AFF3: variants seen among roughly 807,000 people sequenced by gnomAD.
The protein encoded by AFF3 is ALF transcription elongation factor 3.
Under a neutral mutation model 129.7 loss-of-function variants are expected in AFF3, and 32 were observed. The observed-to-expected ratio is 0.25, with a 90% CI of 0.19 to 0.33. The LOEUF is 0.33. Ranked by LOEUF, AFF3 falls within the 10% of genes least tolerant of loss-of-function variation. The pLI, the probability that AFF3 is intolerant of heterozygous loss-of-function variation, is 1.00. For missense variants in AFF3, 1,373 were observed against 1,592.0 expected, an observed-to-expected ratio of 0.86 and a Z score of 2.34; for synonymous variants, 644 against 635.4, an observed-to-expected ratio of 1.01 and a Z score of -0.20.
At chr2:99,771,106 C>T (rs986277001) in intron 8 of AFF3, among the ~76,000 whole-genome samples, 1 of 152,138 alleles carries the variant, frequency 6.6e-6, no homozygotes, top group African/African-American at 2.4e-5. Context: ...ACGTCCTTTG[C>T]AGGAGCATGG....
At chr2:99,586,992 G>A (rs1678184880) in intron 16 of AFF3, among the ~76,000 whole-genome samples, 162 bp downstream of exon 16, 1 of 152,152 alleles carries the variant, frequency 6.6e-6, no homozygotes, top group Non-Finnish European at 1.5e-5. Context: ...TGTGGCACAT[G>A]TGTAGCCATA....
intron 12 of AFF3, among the ~76,000 whole-genome samples, chr2:99,650,862 A>AG (rs774716511): frequency 6.6e-5 from 10 of 151,606 alleles, no homozygotes; most frequent in African/African-American, 2.4e-4. Context: ...AAAAACTAAA[A>AG]GAAAAAAATC....
chr2:99,742,936 C>A (rs577997012), intron 10 of AFF3, among the ~76,000 whole-genome samples: 1 of 152,324 alleles, frequency 6.6e-6, no homozygotes, highest in East Asian at 1.9e-4. Flanking sequence ...TTACCCTGAA[C>A]ATTTAAATTC....
chr2:99,707,354 TAAAA>T (rs1677497362), intron 11 of AFF3: 1 of 985,152 alleles, frequency 1.0e-6, no homozygotes, highest in Non-Finnish European at 1.2e-6. Context: ...ATTTTTAAAT[TAAAA>T]AAGCCATCTT....
In AFF3 at chr2:100,006,875, T is replaced by C. The variant is rs1178545941; in HGVS notation, c.630A>G (p.Gly210=). 1.2e-6 allele frequency: 2 copies of C among 1,614,200 alleles called. No homozygotes were observed. The highest frequency in any genetic ancestry group is 1.1e-5 in the South Asian group (1 of 91,082). ...PAMAAKHSSS[G]HCVQNFPPSL... The stretch of plus-strand genomic sequence containing the variant: ...ATGGAGGAAAGTTCTGAACACAGTG[T>C]CCGCTGCTGCTGTGCTTGGCCGCCA... The change falls in exon 7 of 25, where the codon GGA becomes GGG. Residue 210 remains glycine (G), a synonymous_variant. Transcript: ENST00000672756.
chr2:99,763,260 A>G lies in AFF3; in HGVS notation c.922-10959T>C, dbSNP rs546885078. Among the ~76,000 whole-genome samples, 3 of 152,366 alleles carry G rather than the reference A, an allele frequency of 2.0e-5. No homozygotes were observed. The South Asian group carries it at 6.2e-4, about 32-fold the overall frequency. ...GGAAGGCTCAGAACTAGGAAGTCACACTTAAAACCTTTAAGTTGGCCTCTA... is the reference window on the plus strand; with the variant it reads ...GGAAGGCTCAGAACTAGGAAGTCACGCTTAAAACCTTTAAGTTGGCCTCTA... On this transcript the variant is annotated intron_variant, in intron 8 of 24. Coordinates refer to ENST00000672756, the MANE Select transcript of AFF3 (RefSeq NM_001386135.1).
intron 13 of AFF3, among the ~76,000 whole-genome samples, chr2:99,640,271 T>C (rs1684070060): frequency 6.6e-6 from 1 of 152,190 alleles, no homozygotes; most frequent in Non-Finnish European, 1.5e-5. Flanking sequence ...TACTCTGTTA[T>C]CTTCTTCTCT....
rs180848597 is a variant in AFF3 at position 99,872,092 on chromosome 2, G to A, written c.874-34568C>T. ...GTGGTGGTGGGCGCCTGTAGTCCCA[G>A]CTACTCGGGAGGCTGAGGCAGGAGA... is the stretch of plus-strand genomic sequence containing the variant. On this transcript the variant is annotated intron_variant, in intron 7 of 24. Transcript: ENST00000672756. Among the ~76,000 whole-genome samples, 32 of 150,820 alleles carry A rather than the reference G, an allele frequency of 2.1e-4. No individual in the cohort carries two copies. The South Asian group carries it at 2.7e-3, about 13-fold the overall frequency.
chr2:99,960,894 C>T (rs1428793982), intron 7 of AFF3, among the ~76,000 whole-genome samples: 3 of 152,178 alleles, frequency 2.0e-5, no homozygotes, highest in Non-Finnish European at 4.4e-5. Flanking sequence ...CCATGATGTG[C>T]GGCTCCTTCT....
chr2:100,134,285 T>C (rs1692545497), intron 1 of AFF3, among the ~76,000 whole-genome samples: 1 of 152,242 alleles, frequency 6.6e-6, no homozygotes, highest in Non-Finnish European at 1.5e-5. Flanking sequence ...ATACTAGCAT[T>C]AAAATTTCAT....
Position 99,916,998 on chromosome 2 carries a change from T to C in AFF3, c.874-79474A>G, listed in dbSNP as rs984916530. Among the ~76,000 whole-genome samples, 5 of 152,226 alleles carry C rather than the reference T, an allele frequency of 3.3e-5. No individual in the cohort carries two copies. In the East Asian group the frequency reaches 9.6e-4, roughly 29 times the overall value. On this transcript the variant is annotated intron_variant, in intron 7 of 24. Transcript: ENST00000672756. ...TGTGCATCTCTGCTCTTGTTCATACTGTTCCACCCCAACTTCCAACAACAG... is the reference window on the plus strand; with the variant it reads ...TGTGCATCTCTGCTCTTGTTCATACCGTTCCACCCCAACTTCCAACAACAG...
At chr2:99,807,085 C>A (rs1016853521) in intron 8 of AFF3, among the ~76,000 whole-genome samples, 1 of 152,174 alleles carries the variant, frequency 6.6e-6, no homozygotes, top group Non-Finnish European at 1.5e-5. Context: ...ACTGGCGCCA[C>A]CAGGGCTATC....
intron 12 of AFF3, among the ~76,000 whole-genome samples, chr2:99,663,041 C>CA (rs1686382864): frequency 1.3e-5 from 2 of 152,166 alleles, no homozygotes; most frequent in African/African-American, 4.8e-5. Context: ...AGTTGGGCTG[C>CA]AAAAACCTCC....
rs771613660 is a variant in AFF3, at chr2:99,593,661, T to G, written c.2000A>C (p.Glu667Ala). 6.2e-7 allele frequency: 1 copy of G among 1,605,610 alleles called. No homozygotes were observed. Among genetic ancestry groups the G allele is most frequent in the Non-Finnish European group, 8.5e-7 (1 of 1,174,310 alleles). Residue 667 changes from glutamate to alanine, a missense_variant, in exon 15 of 25, where the codon GAG (glutamate) becomes GCG (alanine). Transcript: ENST00000672756. ...GGAGGATGAAGATGACGACTCTGTC[T>G]CAATGAACTCCTTGGATTTGGGGAC... is the stretch of plus-strand genomic sequence containing the variant. ...RIVPKSKEFI[E>A]TESSSSSSSS...
In AFF3 at chr2:100,081,873, C is replaced by G. The variant is rs571529395; in HGVS notation, c.53+22529G>C. Among the ~76,000 whole-genome samples, 4 of 152,252 alleles carry G rather than the reference C, an allele frequency of 2.6e-5. No individual in the cohort carries two copies. In the East Asian group the frequency reaches 7.8e-4, roughly 30 times the overall value. ...ATCAGATTCCAGTGAGTGGCATGGT[C>G]AGAAGTAAACTCACATTTGGCCTCT... On this transcript the variant is annotated intron_variant, in intron 4 of 24. Coordinates refer to ENST00000672756, the MANE Select transcript of AFF3 (RefSeq NM_001386135.1).
intron 19 of AFF3, 75 bp downstream of exon 19, chr2:99,568,777 C>T: frequency 2.2e-6 from 3 of 1,387,080 alleles, no homozygotes; most frequent in Non-Finnish European, 3.1e-6. Context: ...ATTACCCCAG[C>T]TATATTGTCC....
At chr2:99,610,798 C>T (rs1188416556) in intron 13 of AFF3, among the ~76,000 whole-genome samples, 1 of 152,116 alleles carries the variant, frequency 6.6e-6, no homozygotes, top group Admixed American at 6.5e-5. Flanking sequence ...GATTTGTTAG[C>T]TTCTTGAGTC....
intron 8 of AFF3, among the ~76,000 whole-genome samples, chr2:99,794,903 T>C (rs1352075338): frequency 6.6e-6 from 1 of 152,176 alleles, no homozygotes; most frequent in Non-Finnish European, 1.5e-5. Context: ...AGTTTTCTAG[T>C]TGTTTATGGC....
chr2:99,567,279 C>T (rs1343560166), intron 19 of AFF3, among the ~76,000 whole-genome samples: 3 of 151,972 alleles, frequency 2.0e-5, no homozygotes, highest in Non-Finnish European at 2.9e-5. Context: ...CGTGCCTGGC[C>T]TATAATGCAA....
Sources: allele counts gnomAD v4.1 joint callset (sites outside exome capture counted in the v4.1 genomes callset), GRCh38; gene constraint gnomAD v4.1.1; transcripts MANE v1.5; gene names NCBI Gene and HGNC (gene_info 2026-07-23, HGNC 2026-07-21).